Variants in PTPRN2 observed in about 807,000 individuals in gnomAD.
PTPRN2 encodes the protein receptor-type tyrosine-protein phosphatase N2.
Under a neutral mutation model 118.8 loss-of-function variants are expected in PTPRN2, and 74 were observed. The observed-to-expected ratio is 0.62, with a 90% CI of 0.52 to 0.76. The LOEUF is 0.76. Ranked by LOEUF, PTPRN2 falls within the 30% of genes least tolerant of loss-of-function variation. The pLI, the probability that PTPRN2 is intolerant of heterozygous loss-of-function variation, is 0.00. For missense variants in PTPRN2, 1,481 were observed against 1,394.4 expected (o/e 1.06, Z -0.99); for synonymous variants, 641 against 608.0 (o/e 1.05, Z -0.80).
chr7:157,994,885 T>C lies in PTPRN2; in HGVS notation c.1723+86413A>G, dbSNP rs370442793. On this transcript the variant is annotated intron_variant, in intron 11 of 22. Transcript: ENST00000389418. ...CTCCTTGTTCCTAAAATCAACGCCGTGTCCCCAGCTTACAACTCCTTGTTC... is the reference window on the plus strand; with the variant it reads ...CTCCTTGTTCCTAAAATCAACGCCGCGTCCCCAGCTTACAACTCCTTGTTC... 6.0e-3 allele frequency among the ~76,000 whole-genome samples: 30 copies of C among 4,966 alleles called. 1 individual carries two copies. The highest frequency in any genetic ancestry group is 0.016 in the East Asian group (1 of 64). The allele number at this position is 4,966 out of a possible 152,430, so 3.3% of individuals were successfully genotyped here.
chr7:158,090,140 T>A (rs11976322), intron 10 of PTPRN2, among the ~76,000 whole-genome samples: 1 of 107,344 alleles, frequency 9.3e-6, no homozygotes, highest in Non-Finnish European at 1.7e-5. Flanking sequence ...TTCACACACA[T>A]CCTTCTTCCA....
Position 157,900,654 on chromosome 7 carries a change from C to G in PTPRN2, c.1724-1917G>C, listed in dbSNP as rs767613790. 2.7e-4 allele frequency among the ~76,000 whole-genome samples: 41 copies of G among 152,238 alleles called. 1 individual carries two copies. The highest frequency in any genetic ancestry group is 1.4e-3 in the South Asian group (7 of 4,834). ...CCCTGCCAGGATGCTCTGAGCTCCT[C>G]AGTCTGACGAAAACGCAGTCCTCCT... On this transcript the variant is annotated intron_variant, in intron 11 of 22. Transcript: ENST00000389418.
At chr7:157,571,792 T>G (rs772388092) in intron 19 of PTPRN2, among the ~76,000 whole-genome samples, 6 of 152,226 alleles carry the variant, frequency 3.9e-5, no homozygotes, top group Non-Finnish European at 8.8e-5. Flanking sequence ...GTCCCACCCC[T>G]GCAGGCTCTC....
chr7:158,137,045 C>T (rs890641389), intron 7 of PTPRN2, among the ~76,000 whole-genome samples: 6 of 152,172 alleles, frequency 3.9e-5, no homozygotes, highest in African/African-American at 7.2e-5. Flanking sequence ...GTGAAGCCTT[C>T]GCCAAAACCA....
intron 12 of PTPRN2, among the ~76,000 whole-genome samples, chr7:157,778,582 A>G (rs1034435947): frequency 9.9e-5 from 15 of 152,120 alleles, no homozygotes; most frequent in African/African-American, 3.6e-4. Flanking sequence ...TCAGGTGTTG[A>G]ATGTCCACAT....
intron 14 of PTPRN2, among the ~76,000 whole-genome samples, chr7:157,624,481 C>A (rs1476696265): frequency 2.0e-5 from 3 of 152,022 alleles, no homozygotes; most frequent in East Asian, 3.9e-4. Flanking sequence ...CTGAGCCTAG[C>A]CTGCCTTACA....
At chr7:157,570,370 G>A (rs1346416175) in intron 20 of PTPRN2, among the ~76,000 whole-genome samples, 1 of 152,242 alleles carries the variant, frequency 6.6e-6, no homozygotes, top group African/African-American at 2.4e-5. Flanking sequence ...ATAACAAACC[G>A]TAATCTATTT....
chr7:158,458,843 C>T (rs1220047877), intron 2 of PTPRN2, among the ~76,000 whole-genome samples: 6 of 152,212 alleles, frequency 3.9e-5, no homozygotes, highest in Non-Finnish European at 8.8e-5. Flanking sequence ...CCTCAGCACA[C>T]TAACCGTGGA....
In PTPRN2 at chr7:157,544,689, G is replaced by A. The variant is rs138085676; in HGVS notation, c.2977-3904C>T. On this transcript the variant is annotated intron_variant, in intron 22 of 22. Coordinates refer to ENST00000389418, the MANE Select transcript of PTPRN2 (RefSeq NM_002847.5). ...GCAGGAAAGTGTTAAGGTCCTTGGT[G>A]AAATGGGAAACTCTTGAGACGTGTG... Among the ~76,000 whole-genome samples, 79 of 152,334 alleles carry A rather than the reference G, an allele frequency of 5.2e-4. 1 individual carries two copies. The highest frequency in any genetic ancestry group is 3.4e-3 in the Middle Eastern group (1 of 294).
At chr7:157,573,195 G>A (rs1799847503) in intron 19 of PTPRN2, among the ~76,000 whole-genome samples, 1 of 152,250 alleles carries the variant, frequency 6.6e-6, no homozygotes, top group Non-Finnish European at 1.5e-5. Context: ...TAAAGACCAT[G>A]TGTGTGTGCA....
At chr7:157,695,471 A>C (rs1052534443) in intron 12 of PTPRN2, among the ~76,000 whole-genome samples, 1 of 152,124 alleles carries the variant, frequency 6.6e-6, no homozygotes, top group African/African-American at 2.4e-5. Context: ...TATAATATAA[A>C]AATAAAAATA....
chr7:157,680,121 T>C (rs370009830), intron 13 of PTPRN2, among the ~76,000 whole-genome samples: 1 of 152,220 alleles, frequency 6.6e-6, no homozygotes, highest in African/African-American at 2.4e-5. Flanking sequence ...ACCTCTCACC[T>C]ACCTTGCACA....
chr7:157,614,143 AGGGGAGGAAG>A lies in PTPRN2; in HGVS notation c.2344+7209_2344+7218del, dbSNP rs771110004. On this transcript the variant is annotated intron_variant, in intron 15 of 22. Coordinates refer to ENST00000389418, the MANE Select transcript of PTPRN2 (RefSeq NM_002847.5). ...GGAGGACGGAGAGGAGGGGGAAGACAGGGGAGGAAGGGGGAGGACAGGGGAGGGCCAGGGT... is the reference window on the plus strand; with the variant it reads ...GGAGGACGGAGAGGAGGGGGAAGACAGGGGAGGACAGGGGAGGGCCAGGGT... 7 of 391,002 alleles carry A rather than the reference AGGGGAGGAAG, an allele frequency of 1.8e-5. No homozygotes were observed. The East Asian group carries it at 5.7e-4, about 32-fold the overall frequency. 24.2% of individuals were successfully genotyped at this position (391,002 alleles called of 1,614,324 possible).
intron 2 of PTPRN2, among the ~76,000 whole-genome samples, chr7:158,321,395 C>T (rs757081673): frequency 6.6e-5 from 10 of 152,202 alleles, no homozygotes; most frequent in Non-Finnish European, 1.3e-4. Flanking sequence ...TCCTCATGAA[C>T]TCTCTTCTAC....
intron 12 of PTPRN2, among the ~76,000 whole-genome samples, chr7:157,849,299 G>A (rs1415721202): frequency 1.3e-5 from 2 of 152,168 alleles, no homozygotes; most frequent in African/African-American, 2.4e-5. Context: ...TGAGGCCACC[G>A]TCATTCCCAG....
At position 157,964,963 on chromosome 7, in the gene PTPRN2, C is replaced by T. The variant is rs1190850814; in HGVS notation, c.1724-66226G>A. On this transcript the variant is annotated intron_variant, in intron 11 of 22. Transcript: ENST00000389418. This position sits in a 1 kb window ranked among gnomAD's most constrained non-coding sequence, Gnocchi z 9.0. ...GACCTTTGGGAGTGAGTGTCAGTGC[C>T]GTAGCGGAACACAGGGATCTGAGGC... is the stretch of plus-strand genomic sequence containing the variant. Among the ~76,000 whole-genome samples, 1 of 152,180 alleles carries T rather than the reference C, an allele frequency of 6.6e-6. No individual in the cohort carries two copies. The highest frequency in any genetic ancestry group is 1.5e-5 in the Non-Finnish European group (1 of 68,036).
At chr7:158,336,908 A>T (rs1805677097) in intron 2 of PTPRN2, among the ~76,000 whole-genome samples, 1 of 101,958 alleles carries the variant, frequency 9.8e-6, no homozygotes, top group Non-Finnish European at 2.2e-5. Flanking sequence ...TCACCATAAG[A>T]TCCGACGCCC....
At chr7:158,246,458 G>T (rs1796256104) in intron 3 of PTPRN2, among the ~76,000 whole-genome samples, 1 of 151,250 alleles carries the variant, frequency 6.6e-6, no homozygotes, top group Admixed American at 6.6e-5. Context: ...GTGGTCCACA[G>T]GACAGGAAGT....
intron 12 of PTPRN2, among the ~76,000 whole-genome samples, chr7:157,747,796 G>A (rs1237445834): frequency 9.6e-5 from 12 of 124,752 alleles, no homozygotes; most frequent in East Asian, 2.7e-4. Context: ...CTGAGCTGTG[G>A]GCTGTTGAGG....
Sources: gnomAD v4.1 joint callset for allele counts (sites outside exome capture counted in the v4.1 genomes callset) on GRCh38, gnomAD v4.1.1 for gene constraint, Gnocchi (gnomAD v3.1) non-coding constraint, MANE v1.5 for transcripts, NCBI Gene and HGNC (gene_info 2026-07-23, HGNC 2026-07-21) for gene names.